The following FOXP1 variants were observed in gnomAD, a reference collection of about 807,000 sequenced individuals.
FOXP1 encodes the protein forkhead box P1.
FOXP1 carries 15 observed loss-of-function variants against 98.2 expected under a neutral mutation model. That is an observed-to-expected ratio of 0.15 (90% CI 0.10 to 0.24). The LOEUF (loss-of-function observed/expected upper bound fraction) is 0.24. Ranked by LOEUF, FOXP1 falls within the 10% of genes least tolerant of loss-of-function variation. FOXP1 has a pLI of 1.00. For synonymous variants in FOXP1, 371 were observed against 314.5 expected (o/e 1.18, Z -1.90); for missense variants, 633 against 848.5 (o/e 0.75, Z 3.15).
chr3:71,293,317 G>C (rs988679943), intron 5 of FOXP1, among the ~76,000 whole-genome samples: 1 of 151,988 alleles, frequency 6.6e-6, no homozygotes, highest in Non-Finnish European at 1.5e-5. Flanking sequence ...AAAATACATG[G>C]ATACAGTAGT....
intron 3 of FOXP1, among the ~76,000 whole-genome samples, chr3:71,492,696 C>G (rs1397174716): frequency 6.6e-6 from 1 of 152,180 alleles, no homozygotes; most frequent in African/African-American, 2.4e-5. Context: ...CATCCAATGG[C>G]AAGGCTACCA....
chr3:71,042,087 T>G (rs999313435), intron 10 of FOXP1, among the ~76,000 whole-genome samples: 4 of 152,222 alleles, frequency 2.6e-5, no homozygotes, highest in Non-Finnish European at 5.9e-5. Flanking sequence ...ATACTATGAT[T>G]ATTTCATTAA....
chr3:71,000,815 A>AAAATG (rs2042030862), intron 13 of FOXP1, among the ~76,000 whole-genome samples, 157 bp downstream of exon 13: 1 of 150,314 alleles, frequency 6.7e-6, no homozygotes, highest in African/African-American at 2.4e-5. Flanking sequence ...AAAATAAAAT[A>AAAATG]AAATAAAATA....
chr3:70,976,671 T>C (rs919381125), intron 17 of FOXP1, among the ~76,000 whole-genome samples: 1 of 152,178 alleles, frequency 6.6e-6, no homozygotes, highest in Non-Finnish European at 1.5e-5. Flanking sequence ...CGGTGTTGTC[T>C]CCTTTTCTCT....
chr3:71,056,623 G>A (rs988081256), intron 7 of FOXP1, among the ~76,000 whole-genome samples: 1 of 152,110 alleles, frequency 6.6e-6, no homozygotes, highest in South Asian at 2.1e-4. Flanking sequence ...CCTTAACTTC[G>A]CTTTTACTAT....
chr3:71,406,424 TG>T, intron 3 of FOXP1, among the ~76,000 whole-genome samples: 1 of 144,562 alleles, frequency 6.9e-6, no homozygotes, highest in Non-Finnish European at 1.5e-5. Context: ...TATATATATA[TG>T]GTACAGTATG....
intron 6 of FOXP1, among the ~76,000 whole-genome samples, chr3:71,192,124 T>C (rs191158827): frequency 6.6e-6 from 1 of 152,280 alleles, no homozygotes; most frequent in East Asian, 1.9e-4. Flanking sequence ...CTGATCAGCT[T>C]TTCCCTGTCA....
intron 7 of FOXP1, among the ~76,000 whole-genome samples, chr3:71,106,077 T>C (rs1412756563): frequency 6.6e-6 from 1 of 152,220 alleles, no homozygotes; most frequent in Non-Finnish European, 1.5e-5. Flanking sequence ...TGTTACTACC[T>C]TTGTGCTGTG....
intron 6 of FOXP1, among the ~76,000 whole-genome samples, chr3:71,121,236 C>T (rs540325940): frequency 1.4e-4 from 21 of 152,028 alleles, no homozygotes; most frequent in Non-Finnish European, 2.4e-4. Flanking sequence ...CAAACCCCAC[C>T]GCCAATCAAG....
At chr3:71,305,485 C>T (rs1447013664) in intron 4 of FOXP1, among the ~76,000 whole-genome samples, 1 of 152,180 alleles carries the variant, frequency 6.6e-6, no homozygotes, top group Non-Finnish European at 1.5e-5. Context: ...GGGGAGGACC[C>T]TGGCCCGGGT....
At chr3:71,197,857 T>G in intron 6 of FOXP1, 9 of 1,611,792 alleles carry the variant, frequency 5.6e-6, no homozygotes, top group Non-Finnish European at 7.6e-6. Context: ...TAATTTTTAT[T>G]TTTGCATGAA....
intron 6 of FOXP1, among the ~76,000 whole-genome samples, chr3:71,127,681 T>C (rs761212375): frequency 2.6e-5 from 4 of 152,218 alleles, no homozygotes; most frequent in Admixed American, 2.6e-4. Flanking sequence ...AGCCTGAGCA[T>C]TAAATACAGA....
intron 3 of FOXP1, among the ~76,000 whole-genome samples, chr3:71,457,482 T>C (rs954995545): frequency 1.3e-5 from 2 of 152,056 alleles, no homozygotes; most frequent in African/African-American, 2.4e-5. Flanking sequence ...CCTTGAGGGG[T>C]TGATCCACCT....
chr3:71,215,566 C>T (rs1235236498), intron 5 of FOXP1, among the ~76,000 whole-genome samples: 2 of 152,202 alleles, frequency 1.3e-5, no homozygotes, highest in Non-Finnish European at 2.9e-5. Context: ...TAAAACCCAG[C>T]CCTTTGGGAG....
intron 5 of FOXP1, among the ~76,000 whole-genome samples, chr3:71,280,126 C>CAAAAAAA (rs56674677): frequency 1.7e-4 from 18 of 106,188 alleles, no homozygotes; most frequent in East Asian, 2.7e-4. Context: ...CTGTCTCAAA[C>CAAAAAAA]AAAAAAAAAA....
chr3:71,031,230 T>TA (rs538891487), intron 11 of FOXP1, among the ~76,000 whole-genome samples: 351 of 152,210 alleles, frequency 2.3e-3, no homozygotes, highest in African/African-American at 8.2e-3. Flanking sequence ...CAAAGTACTG[T>TA]AAAAAAAGCA....
At chr3:71,370,849 T>C (rs1653972) in intron 3 of FOXP1, among the ~76,000 whole-genome samples, 4,205 of 148,090 alleles carry the variant, frequency 0.028, 102 homozygotes, top group Non-Finnish European at 0.047. Flanking sequence ...TGGCCCAGGA[T>C]GGAATGCAGT....
chr3:71,313,419 T>C (rs1033463559), intron 4 of FOXP1, among the ~76,000 whole-genome samples: 4 of 152,184 alleles, frequency 2.6e-5, no homozygotes, highest in Non-Finnish European at 5.9e-5. Context: ...ACCTATTCAT[T>C]GGCTGAAAAC....
intron 3 of FOXP1, among the ~76,000 whole-genome samples, chr3:71,455,939 T>G (rs1222950963): frequency 2.0e-5 from 3 of 152,188 alleles, no homozygotes; most frequent in Non-Finnish European, 2.9e-5. Flanking sequence ...TCTTTTTTTG[T>G]GCAATTAAGT....
Sources: gnomAD v4.1 joint callset for allele counts (sites outside exome capture counted in the v4.1 genomes callset) on GRCh38, gnomAD v4.1.1 for gene constraint, MANE v1.5 for transcripts, NCBI Gene and HGNC (gene_info 2026-07-23, HGNC 2026-07-21) for gene names.